The following CNOT1 variants were observed in gnomAD, a reference collection of about 807,000 sequenced individuals.
CNOT1 encodes the protein CCR4-NOT transcription complex subunit 1.
Under a neutral mutation model 273.8 loss-of-function variants are expected in CNOT1, and 15 were observed. The observed-to-expected ratio is 0.05, with a 90% CI of 0.04 to 0.08. The LOEUF is 0.08. CNOT1 is among the 10% of genes least tolerant of loss of function. CNOT1 has a pLI of 1.00. For synonymous variants in CNOT1, 1,022 were observed against 1,005.5 expected (o/e 1.02, Z -0.31); for missense variants, 1,644 against 2,912.2 (o/e 0.56, Z 10.02).
chr16:58,549,571 T>C (rs1291939568), intron 25 of CNOT1, 148 bp downstream of exon 25: 1 of 1,304,516 alleles, frequency 7.7e-7, no homozygotes, highest in Non-Finnish European at 1.0e-6. Flanking sequence ...AAAATTTAGT[T>C]CCATATAAGA....
chr16:58,578,452 CAAAA>C (rs61105275), intron 13 of CNOT1, among the ~76,000 whole-genome samples: 3 of 103,082 alleles, frequency 2.9e-5, no homozygotes, highest in Non-Finnish European at 1.9e-5. Context: ...GACACCATCT[CAAAA>C]AAAAAAAAAA....
Position 58,549,767 on chromosome 16 carries a change from A to G in CNOT1, c.3474T>C (p.Asn1158=), listed in dbSNP as rs143971282. ...LYSNFLDTLK[N]PEFNKMVLNE... ...TCAGAACCATCTTGTTAAATTCAGGATTCTTCAGCGTGTCAAGGAAGTTTG... is the reference window on the plus strand; with the variant it reads ...TCAGAACCATCTTGTTAAATTCAGGGTTCTTCAGCGTGTCAAGGAAGTTTG... Residue 1158 remains asparagine, a synonymous_variant, in exon 25 of 49, where the codon AAT becomes AAC. Coordinates refer to ENST00000317147, the MANE Select transcript of CNOT1 (RefSeq NM_016284.5). The G allele has an allele frequency of 1.8e-4, 291 of 1,613,632 alleles. 1 individual carries two copies. Among genetic ancestry groups the G allele is most frequent in the Non-Finnish European group, 8.6e-5 (102 of 1,179,950 alleles).
intron 16 of CNOT1, among the ~76,000 whole-genome samples, chr16:58,569,883 A>T (rs1264799632): frequency 1.3e-5 from 2 of 152,208 alleles, no homozygotes; most frequent in Non-Finnish European, 2.9e-5. Flanking sequence ...TAGACACCCA[A>T]GAAATTCAAT....
In CNOT1 at chr16:58,534,530, AATGT is replaced by A; in HGVS notation, c.5647-139_5647-136del. ...TATTTCTAATTCTTACATTGTAATA[AATGT>A]ATTATCAGAATTATTTTCCCATTAA... On this transcript the variant is annotated intron_variant, in intron 39 of 48. Coordinates refer to ENST00000317147, the MANE Select transcript of CNOT1 (RefSeq NM_016284.5). The A allele has an allele frequency of 3.8e-6, 4 of 1,055,364 alleles. No homozygotes were observed. In the African/African-American group the frequency reaches 4.8e-5, roughly 13 times the overall value. The allele number at this position is 1,055,364 out of a possible 1,614,324, so 65.4% of individuals were successfully genotyped here. A position where few individuals can be genotyped will look rare whatever the true frequency, so the allele number is the denominator to read the frequency against.
At chr16:58,527,842 G>A (rs201769594) in intron 44 of CNOT1, 4 of 206,788 alleles carry the variant, frequency 1.9e-5, no homozygotes, top group Non-Finnish European at 4.0e-5. Context: ...ATGGCAGGGC[G>A]TGGTGGCTCA....
At position 58,542,429 on chromosome 16, in the gene CNOT1, G is replaced by T; in HGVS notation, c.4574C>A (p.Thr1525Asn). 6.2e-7 allele frequency: 1 copy of T among 1,614,054 alleles called. No homozygotes were observed. Among genetic ancestry groups the T allele is most frequent in the Non-Finnish European group, 8.5e-7 (1 of 1,180,018 alleles). Residue 1525 changes from threonine (T) to asparagine (N), a missense_variant and splice_region_variant, in exon 32 of 49, where the codon ACT becomes AAT. This residue lies in a region of CNOT1 where 133 missense variants were observed against 230.4 expected (regional missense o/e 0.58). Transcript: ENST00000317147. ...AAAAGGCAAATTCTAAACACTTACA[G>T]TTGCTAATCTCTTGTCCATCTCAGG... ...AGPEMDKRLA[T>N]EFELRKHARQ...
intron 16 of CNOT1, among the ~76,000 whole-genome samples, chr16:58,571,111 C>A (rs1448145355): frequency 1.3e-5 from 2 of 151,644 alleles, no homozygotes; most frequent in Admixed American, 1.3e-4. Flanking sequence ...CAAAACAAAA[C>A]AAAACAAAAA....
intron 4 of CNOT1, 103 bp from the exon 5 acceptor site, chr16:58,587,516 T>C: frequency 6.7e-7 from 1 of 1,489,638 alleles, no homozygotes; most frequent in Non-Finnish European, 9.1e-7. Flanking sequence ...AGGAGTTGCT[T>C]AATTCTGTAG....
intron 44 of CNOT1, among the ~76,000 whole-genome samples, chr16:58,526,511 TAAA>T (rs57367601): frequency 1.2e-5 from 1 of 80,812 alleles, no homozygotes; most frequent in African/African-American, 5.3e-5. Context: ...ACTTACTCCT[TAAA>T]AAAAAAAAAA....
At chr16:58,597,816 A>G in intron 2 of CNOT1, 2 of 442,180 alleles carry the variant, frequency 4.5e-6, no homozygotes, top group Admixed American at 5.2e-5. Context: ...AAGACAACCC[A>G]TGTGAAGCAG....
In CNOT1 at chr16:58,547,259, A is replaced by C. The variant is rs764078702; in HGVS notation, c.3677T>G (p.Val1226Gly). The stretch of plus-strand genomic sequence containing the variant: ...ATAGAGCAATTCTTGTTGTCCTTTA[A>C]CATAAGCCTCTAGCAGCAATGATTT... ...DVKSLLLEAY[V>G]KGQQELLYVV... The change falls in exon 27 of 49, where the codon GTT (valine) becomes GGT (glycine). Residue 1226 changes from valine to glycine, a missense_variant. Val to Gly is a moderately radical substitution (Grantham distance 109, BLOSUM62 -3). This residue lies in a region of CNOT1 where 124 missense variants were observed against 289.3 expected (regional missense o/e 0.43). Transcript: ENST00000317147. The surrounding 1 kb of genome is among the most constrained non-coding windows in gnomAD (Gnocchi z 4.0). The C allele has an allele frequency of 1.9e-6, 3 of 1,613,948 alleles. No individual in the cohort carries two copies. Among genetic ancestry groups the C allele is most frequent in the Non-Finnish European group, 1.7e-6 (2 of 1,179,890 alleles).
At chr16:58,538,701 TA>T in intron 36 of CNOT1, 70 bp downstream of exon 36, 1 of 1,584,104 alleles carries the variant, frequency 6.3e-7, no homozygotes. Flanking sequence ...CCCCTGGACA[TA>T]AACAGTACTA....
At position 58,558,552 on chromosome 16, in the gene CNOT1, T is replaced by G; in HGVS notation, c.2253A>C (p.Ala751=). 1 of 1,613,726 alleles carries G rather than the reference T, an allele frequency of 6.2e-7. No homozygotes were observed. The highest frequency in any genetic ancestry group is 8.5e-7 in the Non-Finnish European group (1 of 1,179,808). The part of the protein sequence containing the change: ...GSAFSTPQSP[A]KAFPPLSTPN... ...GGGTTGAAAGGGGTGGAAATGCTTT[T>G]GCTGGTGACTGAGGGGTACTGAATG... Residue 751 remains alanine, a synonymous_variant, in exon 18 of 49, where the codon GCA becomes GCC. Transcript: ENST00000317147.
intron 1 of CNOT1, among the ~76,000 whole-genome samples, chr16:58,605,229 G>A (rs12597246): frequency 0.75 from 114,360 of 152,020 alleles, 43,431 homozygotes; most frequent in Middle Eastern, 0.86. Context: ...ATTGCTGGGC[G>A]TGGTGGCTCC....
intron 1 of CNOT1, among the ~76,000 whole-genome samples, chr16:58,615,933 T>C (rs2043060309): frequency 8.4e-6 from 1 of 119,562 alleles, no homozygotes; most frequent in East Asian, 2.0e-4. Context: ...TTTTTTTTTT[T>C]TTAATTAGCA....
intron 16 of CNOT1, among the ~76,000 whole-genome samples, chr16:58,561,617 CATCCCAAATCTGAGAATCTGAAT>C (rs752941890): frequency 1.2e-4 from 19 of 152,130 alleles, no homozygotes; most frequent in Non-Finnish European, 1.9e-4. Context: ...ACAGGTTGAG[CATCCCAAATCTGAGAATCTGAAT>C]ACCAAACGCT....
intron 1 of CNOT1, among the ~76,000 whole-genome samples, chr16:58,609,307 G>A (rs1043698334): frequency 2.2e-4 from 34 of 151,868 alleles, no homozygotes; most frequent in African/African-American, 7.0e-4. Context: ...GGGAGGCGGA[G>A]GTTGCAGTGA....
intron 28 of CNOT1, 35 bp downstream of exon 28, chr16:58,546,637 A>T (rs1446011441): frequency 1.2e-6 from 2 of 1,613,600 alleles, no homozygotes; most frequent in Non-Finnish European, 1.7e-6. Flanking sequence ...GTGAAGGCAA[A>T]GAATGTTCCA....
In CNOT1 at chr16:58,520,355, T is replaced by TG. The variant is rs1458171554; in HGVS notation, c.*602dup. 6.5e-6 allele frequency: 1 copy of TG among 153,168 alleles called. No individual in the cohort carries two copies. The highest frequency in any genetic ancestry group is 1.5e-5 in the Non-Finnish European group (1 of 68,778). 9.5% of individuals were successfully genotyped at this position (153,168 alleles called of 1,614,324 possible). ...CCCAAAAGAAATAAGATGGTACAAA[T>TG]GCAGTCAGCTTTGGAATACGTTTGG... is the stretch of plus-strand genomic sequence containing the variant. On this transcript the variant is annotated 3_prime_UTR_variant, in exon 49 of 49. Transcript: ENST00000317147.
Sources: gnomAD v4.1 joint callset for allele counts (sites outside exome capture counted in the v4.1 genomes callset) on GRCh38, gnomAD v4.1.1 for gene constraint, gnomAD v4.1.1 regional missense constraint, Gnocchi (gnomAD v3.1) non-coding constraint, MANE v1.5 for transcripts, NCBI Gene and HGNC (gene_info 2026-07-23, HGNC 2026-07-21) for gene names.